LDB1: variants seen among roughly 807,000 people sequenced by gnomAD.
The protein encoded by LDB1 is LIM domain-binding protein 1.
In LDB1, 6 loss-of-function variants were observed where a neutral mutation model predicts 49.7. That is an observed-to-expected ratio of 0.12 (90% confidence interval 0.07 to 0.24). The LOEUF (loss-of-function observed/expected upper bound fraction) is 0.24. LDB1 is among the 10% of genes least tolerant of loss of function. LDB1 has a pLI of 1.00. For synonymous variants in LDB1, 233 were observed against 202.0 expected, an observed-to-expected ratio of 1.15 and a Z score of -1.30; for missense variants, 341 against 561.7, an observed-to-expected ratio of 0.61 and a Z score of 3.97.
Position 102,108,182 on chromosome 10 carries a change from C to G in LDB1, c.1147G>C (p.Ala383Pro). 2 of 1,614,086 alleles carry G rather than the reference C, an allele frequency of 1.2e-6. No homozygotes were observed. Among genetic ancestry groups the G allele is most frequent in the Middle Eastern group, 1.6e-4 (1 of 6,062 alleles). Reference protein sequence around the residue: ...DDEDSFNNSPALGANSPWNSK... With the variant: ...DDEDSFNNSPPLGANSPWNSK... ...TTCCAGGGGCTGTTGGCGCCCAGTG[C>G]AGGGGAGTTGTTAAAGCTGTCCTCG... The change falls in exon 11 of 11, where the codon GCA (alanine) becomes CCA (proline). Residue 383 changes from alanine (A) to proline (P), a missense_variant. Transcript: ENST00000673968.
chr10:102,121,419 G>T (rs141920373), upstream of LDB1, among the ~76,000 whole-genome samples: 4 of 152,204 alleles, frequency 2.6e-5, no homozygotes, highest in African/African-American at 9.6e-5. Flanking sequence ...TGTGGGCCGT[G>T]GGGGGTTGGA....
At position 102,106,541 on chromosome 10, in the gene LDB1, CAAA is replaced by C. The variant is rs558516308; in HGVS notation, c.*1549_*1551del. Among the ~76,000 whole-genome samples, 45 of 17,740 alleles carry C rather than the reference CAAA, an allele frequency of 2.5e-3. No individual in the cohort carries two copies. The highest frequency in any genetic ancestry group is 4.7e-3 in the African/African-American group (20 of 4,264). 11.6% of individuals were successfully genotyped at this position (17,740 alleles called of 152,430 possible). The stretch of plus-strand genomic sequence containing the variant: ...GGTACCATACATGACTCAAATGGCC[CAAA>C]AAAAAAAAAAAAAAAAAAAAAAAAA... On this transcript the variant is annotated 3_prime_UTR_variant, in exon 11 of 11. Coordinates refer to ENST00000673968, the MANE Select transcript of LDB1 (RefSeq NM_001113407.3).
chr10:102,108,767 G>A (rs975345993), intron 10 of LDB1, among the ~76,000 whole-genome samples: 2 of 152,206 alleles, frequency 1.3e-5, no homozygotes, highest in Non-Finnish European at 2.9e-5. Flanking sequence ...GCCCCAAGCT[G>A]TCTGTCCTGA....
intron 1 of LDB1, among the ~76,000 whole-genome samples, chr10:102,113,141 A>C (rs1265791376): frequency 1.3e-5 from 2 of 152,200 alleles, no homozygotes; most frequent in Admixed American, 1.3e-4. Context: ...AGACAAAAGA[A>C]GACCCTGTGC....
In LDB1 at chr10:102,109,875, C is replaced by G; in HGVS notation, c.648+46G>C. 6.3e-7 allele frequency: 1 copy of G among 1,593,418 alleles called. No individual in the cohort carries two copies. Among genetic ancestry groups the G allele is most frequent in the Non-Finnish European group, 8.5e-7 (1 of 1,169,818 alleles). ...ATGGCAGACCTTGTTCCACCCTTCCCCCGCCTGCCTTCACTCTTGCATCCT... is the reference window on the plus strand; with the variant it reads ...ATGGCAGACCTTGTTCCACCCTTCCGCCGCCTGCCTTCACTCTTGCATCCT... On this transcript the variant is annotated intron_variant, in intron 7 of 10. Coordinates refer to ENST00000673968, the MANE Select transcript of LDB1 (RefSeq NM_001113407.3). This position sits in a 1 kb window ranked among gnomAD's most constrained non-coding sequence, Gnocchi z 5.8.
At chr10:102,114,812 G>GGGGCCCCCCCCCC in intron 1 of LDB1, 63 of 929,786 alleles carry the variant, frequency 6.8e-5, no homozygotes, top group South Asian at 9.9e-5. Flanking sequence ...CCTCCGAGCA[G>GGGGCCCCCCCCCC]CCCGCCCGCC....
Position 102,109,887 on chromosome 10 carries a change from C to T in LDB1, c.648+34G>A. The T allele has an allele frequency of 6.3e-7, 1 of 1,598,140 alleles. No individual in the cohort carries two copies. Among genetic ancestry groups the T allele is most frequent in the South Asian group, 1.1e-5 (1 of 90,686 alleles). Reference sequence around the variant, plus strand: ...GTTCCACCCTTCCCCCGCCTGCCTTCACTCTTGCATCCTGGGTCCTGCCCA... The same window carrying T: ...GTTCCACCCTTCCCCCGCCTGCCTTTACTCTTGCATCCTGGGTCCTGCCCA... On this transcript the variant is annotated intron_variant, in intron 7 of 10. Transcript: ENST00000673968. This position sits in a 1 kb window ranked among gnomAD's most constrained non-coding sequence, Gnocchi z 5.8.
At chr10:102,105,400 A>G (rs574189331), downstream of LDB1, among the ~76,000 whole-genome samples, 3 of 152,174 alleles carry the variant, frequency 2.0e-5, no homozygotes, top group African/African-American at 7.2e-5. Flanking sequence ...GTGTCTTCCT[A>G]CCAGCTAGGG....
In LDB1 at chr10:102,107,108, A is replaced by T. The variant is rs2068173999; in HGVS notation, c.*985T>A. Among the ~76,000 whole-genome samples the T allele has an allele frequency of 1.3e-5, 2 of 151,978 alleles. No homozygotes were observed. Among genetic ancestry groups the T allele is most frequent in the Non-Finnish European group, 2.9e-5 (2 of 67,974 alleles). On this transcript the variant is annotated 3_prime_UTR_variant, in exon 11 of 11. Transcript: ENST00000673968. ...CCTGCCCAACTGAAACAAAACCAAA[A>T]ATACAGCAACAAGGCTGCTCCCTTC...
In LDB1 at chr10:102,110,642, C is replaced by T; in HGVS notation, c.412G>A (p.Glu138Lys). 1 of 1,613,914 alleles carries T rather than the reference C, an allele frequency of 6.2e-7. No individual in the cohort carries two copies. Among genetic ancestry groups the T allele is most frequent in the Non-Finnish European group, 8.5e-7 (1 of 1,179,920 alleles). Residue 138 changes from glutamate (E) to lysine (K), a missense_variant, in exon 6 of 11, where the codon GAG becomes AAG. Glu to Lys is a moderately conservative substitution (Grantham distance 56). Transcript: ENST00000673968. ...GGGTGCTTAAGAACATAGTACAGCT[C>T]CGTAGCACCCCCCTCAAAGATGCTG... ...FRSIFEGGAT[E>K]LYYVLKHPKE...
rs939711593 is a variant in LDB1 at position 102,117,356 on chromosome 10, G to C, written c.25+2730C>G. On this transcript the variant is annotated intron_variant, in intron 1 of 10. Transcript: ENST00000673968. This position sits in a 1 kb window ranked among gnomAD's most constrained non-coding sequence, Gnocchi z 4.2. ...TGACCAGATTTACCCAGTTGCACAG[G>C]GGCAGAACAGGTCCAGCTAAAAAGA... Among the ~76,000 whole-genome samples the C allele has an allele frequency of 2.6e-5, 4 of 152,208 alleles. No individual in the cohort carries two copies. Among genetic ancestry groups the C allele is most frequent in the Non-Finnish European group, 2.9e-5 (2 of 68,030 alleles).
chr10:102,103,856 A>C (rs999374895), downstream of LDB1, among the ~76,000 whole-genome samples: 1 of 151,990 alleles, frequency 6.6e-6, no homozygotes, highest in Admixed American at 6.6e-5. Context: ...TATATTGCCC[A>C]GGCTAGTCTT....
At chr10:102,120,752 C>A (rs1259566970), upstream of LDB1, among the ~76,000 whole-genome samples, 1 of 152,110 alleles carries the variant, frequency 6.6e-6, no homozygotes, top group Non-Finnish European at 1.5e-5. Context: ...GCTCGGTGTC[C>A]GTCCTCCGGG....
At chr10:102,106,062 T>A (rs2068156772), downstream of LDB1, among the ~76,000 whole-genome samples, 1 of 151,992 alleles carries the variant, frequency 6.6e-6, no homozygotes, top group African/African-American at 2.4e-5. Flanking sequence ...CCAGGTACTC[T>A]AAGTACCCCA....
downstream of LDB1, among the ~76,000 whole-genome samples, chr10:102,105,747 A>G (rs962416947): frequency 4.0e-5 from 6 of 149,722 alleles, no homozygotes; most frequent in Non-Finnish European, 8.9e-5. Context: ...GGATCACCTG[A>G]GGTCAAGAGT....
At chr10:102,119,326 A>C (rs1233333120) in intron 1 of LDB1, among the ~76,000 whole-genome samples, 1 of 150,158 alleles carries the variant, frequency 6.7e-6, no homozygotes, top group East Asian at 2.0e-4. Context: ...CCAGGAAAAA[A>C]ACTCAGACCT....
At chr10:102,120,450 C>T (rs1308364189), upstream of LDB1, 35 of 951,708 alleles carry the variant, frequency 3.7e-5, no homozygotes, top group Non-Finnish European at 4.4e-5. Flanking sequence ...CCTCTCCGCC[C>T]TCGCGCTCGC....
chr10:102,111,382 G>A, intron 2 of LDB1, 52 bp downstream of exon 2: 1 of 1,599,082 alleles, frequency 6.3e-7, no homozygotes, highest in East Asian at 2.2e-5. Flanking sequence ...CCCCTTTCCA[G>A]GCAGGATCCC....
In LDB1 at chr10:102,110,752, A is replaced by G. The variant is rs1167706162; in HGVS notation, c.353-51T>C. The G allele has an allele frequency of 3.8e-6, 6 of 1,591,666 alleles. No homozygotes were observed. In the Middle Eastern group the frequency reaches 6.7e-4, roughly 177 times the overall value. ...GGACAAAGGGACCGCAAAAGGGGCCAGGCAGATGCCTCCCCTACCAATCTA... is the reference window on the plus strand; with the variant it reads ...GGACAAAGGGACCGCAAAAGGGGCCGGGCAGATGCCTCCCCTACCAATCTA... On this transcript the variant is annotated intron_variant, in intron 5 of 10. Coordinates refer to ENST00000673968, the MANE Select transcript of LDB1 (RefSeq NM_001113407.3).
Sources: gnomAD v4.1 joint callset for allele counts (sites outside exome capture counted in the v4.1 genomes callset) on GRCh38, gnomAD v4.1.1 for gene constraint, Gnocchi (gnomAD v3.1) non-coding constraint, MANE v1.5 for transcripts, NCBI Gene and HGNC (gene_info 2026-07-23, HGNC 2026-07-21) for gene names.